Variants in LRRC49 observed in about 807,000 individuals in gnomAD.
LRRC49 encodes the protein leucine rich repeat containing 49, also known as leucine-rich repeat-containing protein 49.
LRRC49 carries 50 observed loss-of-function variants against 83.3 expected under a neutral mutation model. The ratio of observed to expected loss-of-function variants is 0.60; its 90% confidence interval spans 0.48 to 0.76. LRRC49 has a LOEUF of 0.76. Among genes scored for constraint, LRRC49 ranks in the 30% least tolerant of loss-of-function variants. The pLI, the probability that LRRC49 is intolerant of heterozygous loss-of-function variation, is 0.00. For missense variants in LRRC49, 704 were observed against 809.1 expected (o/e 0.87, Z 1.58); for synonymous variants, 286 against 283.3 (o/e 1.01, Z -0.10).
At chr15:70,855,318 G>C in intron 1 of LRRC49, among the ~76,000 whole-genome samples, 1 of 140,176 alleles carries the variant, frequency 7.1e-6, no homozygotes, top group East Asian at 2.1e-4. Flanking sequence ...CTGGGCAACA[G>C]AGCGAGACTC....
intron 1 of LRRC49, among the ~76,000 whole-genome samples, chr15:70,867,460 C>A (rs2032937642): frequency 6.6e-6 from 1 of 152,192 alleles, no homozygotes; most frequent in Non-Finnish European, 1.5e-5. Flanking sequence ...TTACTGTGTT[C>A]TTGGCCTATG....
rs1316378871 is a variant in LRRC49, at chr15:71,049,773, G to A, written c.*161G>A. The A allele has an allele frequency of 1.4e-5, 8 of 566,310 alleles. No homozygotes were observed. The highest frequency in any genetic ancestry group is 2.5e-5 in the South Asian group (1 of 40,126). The allele number at this position is 566,310 out of a possible 1,614,324, so 35.1% of individuals were successfully genotyped here. On this transcript the variant is annotated 3_prime_UTR_variant, in exon 16 of 16. Coordinates refer to ENST00000260382, the MANE Select transcript of LRRC49 (RefSeq NM_017691.5). Reference sequence around the variant, plus strand: ...TGTTCTCATAGCTAAAAGTTAAGAAGGAAGGAAGGAAAGCAGGAGAAAGGA... The same window carrying A: ...TGTTCTCATAGCTAAAAGTTAAGAAAGAAGGAAGGAAAGCAGGAGAAAGGA...
chr15:70,920,037 A>G (rs1012964445), intron 7 of LRRC49, among the ~76,000 whole-genome samples: 5 of 152,208 alleles, frequency 3.3e-5, no homozygotes, highest in African/African-American at 1.2e-4. Context: ...GTGATATGAT[A>G]CAGCTAATGA....
chr15:71,047,571 G>A (rs745762957), intron 15 of LRRC49, among the ~76,000 whole-genome samples: 36 of 152,140 alleles, frequency 2.4e-4, no homozygotes, highest in Non-Finnish European at 5.0e-4. Flanking sequence ...CAATTTGAGA[G>A]CCTTTTGGCA....
chr15:70,983,599 G>C (rs182253680), intron 10 of LRRC49, among the ~76,000 whole-genome samples: 1 of 151,954 alleles, frequency 6.6e-6, no homozygotes, highest in African/African-American at 2.4e-5. Flanking sequence ...AATTTATTCT[G>C]AGAAACTTGG....
chr15:71,005,753 A>G (rs903846600), intron 11 of LRRC49, among the ~76,000 whole-genome samples: 3 of 152,156 alleles, frequency 2.0e-5, no homozygotes, highest in Non-Finnish European at 4.4e-5. Context: ...CTTTGAGGAC[A>G]TGTTTGGTGA....
intron 9 of LRRC49, among the ~76,000 whole-genome samples, chr15:70,967,768 T>G (rs1483462147): frequency 6.6e-6 from 1 of 152,072 alleles, no homozygotes; most frequent in East Asian, 1.9e-4. Flanking sequence ...ACAATACATA[T>G]ATGAATAAGC....
At chr15:71,020,558 A>T (rs1166349882) in intron 14 of LRRC49, among the ~76,000 whole-genome samples, 1 of 152,210 alleles carries the variant, frequency 6.6e-6, no homozygotes, top group Non-Finnish European at 1.5e-5. Flanking sequence ...AAGGTGAAAA[A>T]ATTTAAAAAC....
At chr15:70,956,552 A>G (rs2036409764) in intron 8 of LRRC49, among the ~76,000 whole-genome samples, 1 of 151,726 alleles carries the variant, frequency 6.6e-6, no homozygotes, top group Non-Finnish European at 1.5e-5. Context: ...TGTTTTTAAA[A>G]GCCAGTATTT....
chr15:70,959,658 T>G (rs1488880047), intron 8 of LRRC49, among the ~76,000 whole-genome samples: 1 of 151,828 alleles, frequency 6.6e-6, no homozygotes, highest in Non-Finnish European at 1.5e-5. Context: ...ACAATTGGAT[T>G]CTAAAGTTTA....
At chr15:70,972,796 C>T (rs564548490) in intron 9 of LRRC49, among the ~76,000 whole-genome samples, 8 of 152,068 alleles carry the variant, frequency 5.3e-5, no homozygotes, top group South Asian at 4.2e-4. Context: ...TACTTGTGTA[C>T]GCTTCACGAA....
chr15:71,032,544 G>A (rs2039391339), intron 14 of LRRC49, among the ~76,000 whole-genome samples: 1 of 151,934 alleles, frequency 6.6e-6, no homozygotes. Flanking sequence ...CCAAAACCTG[G>A]CAGAGGTACA....
At chr15:71,002,817 A>T (rs182956311) in intron 11 of LRRC49, among the ~76,000 whole-genome samples, 1 of 152,108 alleles carries the variant, frequency 6.6e-6, no homozygotes, top group African/African-American at 2.4e-5. Context: ...GTCTCTTTTC[A>T]TCTAGACATT....
upstream of LRRC49, among the ~76,000 whole-genome samples, chr15:70,891,067 C>G (rs899019944): frequency 6.6e-6 from 1 of 152,124 alleles, no homozygotes; most frequent in African/African-American, 2.4e-5. Context: ...GTAAGGATTA[C>G]AGACCCCTGA....
chr15:70,872,880 T>C (rs2033079064), intron 1 of LRRC49: 1 of 232,798 alleles, frequency 4.3e-6, no homozygotes, highest in African/African-American at 2.2e-5. Flanking sequence ...AAACTTGACA[T>C]AACTTTTTTT....
chr15:70,952,604 T>C (rs920649948), intron 8 of LRRC49, among the ~76,000 whole-genome samples: 3 of 152,174 alleles, frequency 2.0e-5, no homozygotes, highest in Non-Finnish European at 2.9e-5. Context: ...ATGTATACTT[T>C]CTTGTTGATG....
chr15:70,862,419 A>G (rs892570132), intron 1 of LRRC49, among the ~76,000 whole-genome samples: 2 of 151,934 alleles, frequency 1.3e-5, no homozygotes, highest in Admixed American at 1.3e-4. Context: ...TCTACTAAAA[A>G]TACAAAAAAT....
At chr15:70,963,974 G>C (rs2036703128) in intron 9 of LRRC49, 42 bp downstream of exon 9, 1 of 1,577,278 alleles carries the variant, frequency 6.3e-7, no homozygotes, top group Non-Finnish European at 8.6e-7. Context: ...GTTGTCCTTA[G>C]TGTGGATTAG....
rs1158692336 is a variant in LRRC49 at position 71,049,833 on chromosome 15, C to T, written c.*221C>T. 1.3e-5 allele frequency: 6 copies of T among 462,278 alleles called. No individual in the cohort carries two copies. Among genetic ancestry groups the T allele is most frequent in the Non-Finnish European group, 1.9e-5 (5 of 262,890 alleles). 28.6% of individuals were successfully genotyped at this position (462,278 alleles called of 1,614,324 possible). A position where few individuals can be genotyped will look rare whatever the true frequency, so the allele number is the denominator to read the frequency against. Reference sequence around the variant, plus strand: ...TGCCTGTATGTGAGGACCAAACAACCTTTGGGAACTAAACAGTTTTCAGAG... The same window carrying T: ...TGCCTGTATGTGAGGACCAAACAACTTTTGGGAACTAAACAGTTTTCAGAG... On this transcript the variant is annotated 3_prime_UTR_variant, in exon 16 of 16. Coordinates refer to ENST00000260382, the MANE Select transcript of LRRC49 (RefSeq NM_017691.5).
Sources: gnomAD v4.1 joint callset for allele counts (sites outside exome capture counted in the v4.1 genomes callset) on GRCh38, gnomAD v4.1.1 for gene constraint, MANE v1.5 for transcripts, NCBI Gene and HGNC (gene_info 2026-07-23, HGNC 2026-07-21) for gene names.